Variants in AKAP7 observed in about 807,000 individuals in gnomAD.
AKAP7 encodes the protein A kinase (PRKA) anchor protein 7.
In AKAP7, 39 loss-of-function variants were observed where a neutral mutation model predicts 39.5. The ratio of observed to expected loss-of-function variants is 0.99; its 90% confidence interval spans 0.76 to 1.29. The LOEUF is 1.29. AKAP7 is among the 50% of genes most tolerant of loss of function. The pLI is 0.00. For synonymous variants in AKAP7, 140 were observed against 139.1 expected (o/e 1.01, Z -0.05); for missense variants, 414 against 407.7 (o/e 1.02, Z -0.13).
At chr6:131,265,844 T>G (rs1386375937) in intron 7 of AKAP7, among the ~76,000 whole-genome samples, 1 of 152,230 alleles carries the variant, frequency 6.6e-6, no homozygotes, top group Non-Finnish European at 1.5e-5. Flanking sequence ...GAAAGCTTTT[T>G]GACTTCAATG....
At chr6:131,200,196 G>C (rs1384378890) in intron 6 of AKAP7, 1 of 152,252 alleles carries the variant, frequency 6.6e-6, no homozygotes, top group Non-Finnish European at 1.5e-5. Context: ...CCCTGTCTCA[G>C]GGTGACTTAC....
chr6:131,250,432 T>C, intron 7 of AKAP7: 1 of 1,490,088 alleles, frequency 6.7e-7, no homozygotes, highest in Non-Finnish European at 9.0e-7. Flanking sequence ...GCGTGTGCAT[T>C]GGCTCTTCAA....
At chr6:131,236,857 G>A (rs939878445) in intron 7 of AKAP7, among the ~76,000 whole-genome samples, 33 of 152,068 alleles carry the variant, frequency 2.2e-4, no homozygotes, top group Non-Finnish European at 3.1e-4. Context: ...GCAAACAGGG[G>A]CAATTTGATT....
chr6:131,147,443 T>G (rs1019508957), intron 2 of AKAP7, among the ~76,000 whole-genome samples: 1 of 152,196 alleles, frequency 6.6e-6, no homozygotes, highest in African/African-American at 2.4e-5. Flanking sequence ...TTCCTATATT[T>G]TCCTTTACAA....
intron 7 of AKAP7, among the ~76,000 whole-genome samples, chr6:131,264,263 T>G (rs988665119): frequency 1.3e-5 from 2 of 152,182 alleles, no homozygotes; most frequent in Admixed American, 1.3e-4. Context: ...ACTTGGAAAG[T>G]TGCATATAAA....
chr6:131,191,618 A>C (rs9492856), intron 5 of AKAP7, among the ~76,000 whole-genome samples: 1,558 of 152,296 alleles, frequency 0.01, 24 homozygotes, highest in African/African-American at 0.033. Flanking sequence ...GAAGAAGAAA[A>C]GGACCATGCA....
rs1374672441 is a variant in AKAP7 at position 131,136,833 on chromosome 6, T to TTAC, written c.19+1054_19+1056dup. The TTAC allele has an allele frequency of 5.1e-6, 5 of 984,988 alleles. No homozygotes were observed. In the African/African-American group the frequency reaches 8.7e-5, roughly 17 times the overall value. The allele number at this position is 984,988 out of a possible 1,614,324, so 61.0% of individuals were successfully genotyped here. On this transcript the variant is annotated intron_variant, in intron 1 of 7. Transcript: ENST00000431975. ...TTGATTTCTACGCAGCTGTCAACAT[T>TTAC]TACTAACGTGTAAGATGCTAATACT...
chr6:131,132,901 T>C (rs1168799486), upstream of AKAP7, among the ~76,000 whole-genome samples: 1 of 152,178 alleles, frequency 6.6e-6, no homozygotes, highest in Non-Finnish European at 1.5e-5. Context: ...GGAGTAAAAA[T>C]ATGTTCTCTC....
At chr6:131,184,671 G>C in intron 5 of AKAP7, 1 of 774,306 alleles carries the variant, frequency 1.3e-6, no homozygotes, top group Non-Finnish European at 2.4e-6. Context: ...AGTTCCCCAG[G>C]CAGAAGTTAC....
At chr6:131,136,516 CAGTG>C (rs369378147) in intron 1 of AKAP7, among the ~76,000 whole-genome samples, 5 of 152,254 alleles carry the variant, frequency 3.3e-5, no homozygotes, top group African/African-American at 1.2e-4. Flanking sequence ...TGAATGATGA[CAGTG>C]AGTTTTTGCA....
upstream of AKAP7, among the ~76,000 whole-genome samples, chr6:131,131,467 CTTT>C (rs3031855): frequency 0.049 from 6,732 of 138,290 alleles, 325 homozygotes; most frequent in African/African-American, 0.13. Flanking sequence ...CTCTTTCTTT[CTTT>C]TTTTTTTTTT....
chr6:131,256,645 G>A (rs1812877263), intron 7 of AKAP7, among the ~76,000 whole-genome samples: 1 of 149,794 alleles, frequency 6.7e-6, no homozygotes, highest in Non-Finnish European at 1.5e-5. Context: ...GCAGGACTCT[G>A]ATATACCGAA....
intron 5 of AKAP7, among the ~76,000 whole-genome samples, chr6:131,169,863 A>T (rs1001096894): frequency 7.9e-5 from 12 of 152,038 alleles, no homozygotes; most frequent in African/African-American, 2.9e-4. Flanking sequence ...ATCTCATTGC[A>T]GGTTCAATAA....
chr6:131,280,257 G>C (rs1309625520), intron 7 of AKAP7, among the ~76,000 whole-genome samples: 3 of 152,110 alleles, frequency 2.0e-5, no homozygotes, highest in Non-Finnish European at 2.9e-5. Flanking sequence ...AGTTGCTAAG[G>C]GTTCCCACTA....
At chr6:131,256,202 G>C (rs752052354) in intron 7 of AKAP7, among the ~76,000 whole-genome samples, 39 of 152,192 alleles carry the variant, frequency 2.6e-4, no homozygotes, top group Admixed American at 2.2e-3. Flanking sequence ...TAAGATTTCT[G>C]TGGGTAATAT....
rs557377199 is a variant in AKAP7, at chr6:131,239,902, C to T, written c.850+20094C>T. ...TTGATCGTCTGAAGCCTTCTTCTCT[C>T]AACTTGTCAAAGTCATTCTCTGTCC... On this transcript the variant is annotated intron_variant, in intron 7 of 7. Transcript: ENST00000431975. Among the ~76,000 whole-genome samples the T allele has an allele frequency of 1.1e-4, 17 of 152,316 alleles. No homozygotes were observed. In the South Asian group the frequency reaches 2.9e-3, roughly 26 times the overall value.
chr6:131,263,712 C>G (rs1222214361), intron 7 of AKAP7, among the ~76,000 whole-genome samples: 1 of 152,078 alleles, frequency 6.6e-6, no homozygotes, highest in Non-Finnish European at 1.5e-5. Context: ...GTGAGAGGAG[C>G]AGTTACCAAG....
intron 7 of AKAP7, among the ~76,000 whole-genome samples, chr6:131,239,627 A>C (rs1230844819): frequency 6.6e-6 from 1 of 151,750 alleles, no homozygotes; most frequent in Non-Finnish European, 1.5e-5. Context: ...TTTTTCTCTA[A>C]ACTTCTCTTC....
At chr6:131,184,904 C>A in intron 5 of AKAP7, 2 of 1,033,302 alleles carry the variant, frequency 1.9e-6, no homozygotes, top group Non-Finnish European at 3.1e-6. Context: ...TTGGAAGCAT[C>A]CAGCTCCTTA....
Sources: allele counts gnomAD v4.1 joint callset (sites outside exome capture counted in the v4.1 genomes callset), GRCh38; gene constraint gnomAD v4.1.1; transcripts MANE v1.5; gene names NCBI Gene and HGNC (gene_info 2026-07-23, HGNC 2026-07-21).